POU6F2: variants seen among roughly 807,000 people sequenced by gnomAD.
POU6F2 encodes POU class 6 homeobox 2.
A neutral mutation model predicts 71.3 loss-of-function variants in POU6F2; 31 were observed. That is an observed-to-expected ratio of 0.43 (90% CI 0.33 to 0.59). The LOEUF (loss-of-function observed/expected upper bound fraction) is 0.59. POU6F2 is among the 20% of genes least tolerant of loss of function. The pLI, the probability that POU6F2 is intolerant of heterozygous loss-of-function variation, is 0.04. For missense variants in POU6F2, 783 were observed against 856.8 expected (o/e 0.91, Z 1.07); for synonymous variants, 347 against 355.7 (o/e 0.98, Z 0.27).
At chr7:39,367,898 T>G (rs1786535430) in intron 5 of POU6F2, among the ~76,000 whole-genome samples, 1 of 152,210 alleles carries the variant, frequency 6.6e-6, no homozygotes, top group South Asian at 2.1e-4. Flanking sequence ...GTAATTGTTT[T>G]GGGGTGCTAC....
At chr7:39,251,892 A>G (rs1293719914) in intron 4 of POU6F2, among the ~76,000 whole-genome samples, 1 of 151,862 alleles carries the variant, frequency 6.6e-6, no homozygotes, top group African/African-American at 2.4e-5. Flanking sequence ...TACAATCCCT[A>G]CCCTGAAGTT....
chr7:39,386,900 C>T (rs925335139), intron 5 of POU6F2, among the ~76,000 whole-genome samples: 2 of 152,214 alleles, frequency 1.3e-5, no homozygotes, highest in African/African-American at 4.8e-5. Context: ...TAGTCAATGT[C>T]GTGCTCCCCT....
rs143592577 is a variant in POU6F2, at chr7:39,193,791, G to A, written c.278-10444G>A. Among the ~76,000 whole-genome samples the A allele has an allele frequency of 1.2e-4, 19 of 152,298 alleles. 1 individual carries two copies. The East Asian group carries it at 1.9e-3, about 15-fold the overall frequency. ...GATCCTGCCATCAGTGAGAAAGCCC[G>A]GATACACTCATCTCTCTGCTGCTTC... is the stretch of plus-strand genomic sequence containing the variant. On this transcript the variant is annotated intron_variant, in intron 2 of 9. Transcript: ENST00000518318.
intron 5 of POU6F2, among the ~76,000 whole-genome samples, chr7:39,359,649 G>A (rs1786333784): frequency 6.6e-6 from 1 of 152,084 alleles, no homozygotes; most frequent in Admixed American, 6.6e-5. Flanking sequence ...TTAGATTCCA[G>A]ATGCTTTCTG....
chr7:39,006,307 T>C (rs938482065), intron 1 of POU6F2, among the ~76,000 whole-genome samples: 2 of 151,912 alleles, frequency 1.3e-5, no homozygotes, highest in Non-Finnish European at 2.9e-5. Flanking sequence ...CTACTAAAAA[T>C]ACAAAAATTA....
intron 1 of POU6F2, among the ~76,000 whole-genome samples, chr7:38,986,700 A>G (rs1295044755): frequency 1.3e-5 from 2 of 152,162 alleles, no homozygotes; most frequent in Non-Finnish European, 2.9e-5. Flanking sequence ...GCATATGGCA[A>G]ACCATTGCAA....
intron 6 of POU6F2, among the ~76,000 whole-genome samples, chr7:39,432,089 A>G (rs746833127): frequency 2.6e-5 from 4 of 152,194 alleles, no homozygotes; most frequent in African/African-American, 7.2e-5. Flanking sequence ...GTCCCTAACA[A>G]TATGGTCTCT....
intron 2 of POU6F2, among the ~76,000 whole-genome samples, chr7:39,194,782 C>G (rs1187411953): frequency 6.6e-6 from 1 of 152,206 alleles, no homozygotes; most frequent in Non-Finnish European, 1.5e-5. Context: ...TAACACTCAC[C>G]GCGAAGGTCT....
At chr7:39,031,645 G>A (rs1327519031) in intron 1 of POU6F2, among the ~76,000 whole-genome samples, 2 of 152,056 alleles carry the variant, frequency 1.3e-5, no homozygotes, top group East Asian at 3.9e-4. Context: ...CACTTTGGGA[G>A]GCCAAAGTGG....
In POU6F2 at chr7:39,086,166, G is replaced by T. The variant is rs572547093; in HGVS notation, c.277+135G>T. ...TACTAAAAAGGAGCATCTTGGAGGT[G>T]CTAAGCCACTGAAGCTGATTCCAGC... On this transcript the variant is annotated intron_variant, in intron 2 of 9. Transcript: ENST00000518318. 3.0e-4 allele frequency: 278 copies of T among 938,966 alleles called. No individual in the cohort carries two copies. In the African/African-American group the frequency reaches 4.4e-3, roughly 15 times the overall value. The allele number at this position is 938,966 out of a possible 1,614,324, so 58.2% of individuals were successfully genotyped here. A position where few individuals can be genotyped will look rare whatever the true frequency, so the allele number is the denominator to read the frequency against.
At chr7:39,426,053 C>A (rs2237394) in intron 6 of POU6F2, among the ~76,000 whole-genome samples, 2 of 152,200 alleles carry the variant, frequency 1.3e-5, no homozygotes, top group South Asian at 2.1e-4. Context: ...GCAGCCCCAA[C>A]TGGGGCTCCT....
At chr7:39,139,402 C>T (rs563976366) in intron 2 of POU6F2, among the ~76,000 whole-genome samples, 4 of 152,296 alleles carry the variant, frequency 2.6e-5, no homozygotes, top group African/African-American at 7.2e-5. Flanking sequence ...ATTTCTTCTG[C>T]TCTGCCTGCC....
At chr7:39,154,361 T>A (rs1037778807) in intron 2 of POU6F2, among the ~76,000 whole-genome samples, 1 of 152,094 alleles carries the variant, frequency 6.6e-6, no homozygotes, top group South Asian at 2.1e-4. Context: ...AGCGTGATAA[T>A]GCCTGTATAA....
At chr7:39,462,313 C>T (rs1434854296) in intron 9 of POU6F2, among the ~76,000 whole-genome samples, 2 of 152,088 alleles carry the variant, frequency 1.3e-5, no homozygotes, top group African/African-American at 2.4e-5. Context: ...TCAGTGAGAT[C>T]GTTTTAGGAG....
intron 2 of POU6F2, among the ~76,000 whole-genome samples, chr7:39,153,563 G>A (rs1792802711): frequency 6.6e-6 from 1 of 152,140 alleles, no homozygotes; most frequent in Non-Finnish European, 1.5e-5. Context: ...GGGTAAATCA[G>A]TGAAATGAAA....
intron 1 of POU6F2, among the ~76,000 whole-genome samples, chr7:38,979,421 T>C (rs1788259566): frequency 6.6e-6 from 1 of 152,156 alleles, no homozygotes. Context: ...GTCAAATACA[T>C]AATACCATGT....
chr7:39,125,091 TC>T (rs956005435), intron 2 of POU6F2, among the ~76,000 whole-genome samples: 21 of 152,140 alleles, frequency 1.4e-4, no homozygotes, highest in African/African-American at 4.8e-4. Context: ...ATCCTTTTTT[TC>T]TTTTCCTTTT....
rs531714302 is a variant in POU6F2, at chr7:39,347,563, G to A, written c.972+7548G>A. Among the ~76,000 whole-genome samples the A allele has an allele frequency of 3.3e-5, 5 of 152,174 alleles. 1 individual carries two copies. In the South Asian group the frequency reaches 1.0e-3, roughly 32 times the overall value. Reference sequence around the variant, plus strand: ...CATGCACTCACATAATGCTAATATTGCCTAATCATATAATCTTAAAGACTT... The same window carrying A: ...CATGCACTCACATAATGCTAATATTACCTAATCATATAATCTTAAAGACTT... On this transcript the variant is annotated intron_variant, in intron 5 of 9. Transcript: ENST00000518318.
chr7:39,381,468 C>T (rs984247163), intron 5 of POU6F2, among the ~76,000 whole-genome samples: 1 of 152,084 alleles, frequency 6.6e-6, no homozygotes, highest in Non-Finnish European at 1.5e-5. Flanking sequence ...TGTCAAACAC[C>T]TGACCTCAAA....
Sources: allele counts gnomAD v4.1 joint callset (sites outside exome capture counted in the v4.1 genomes callset), GRCh38; gene constraint gnomAD v4.1.1; transcripts MANE v1.5; gene names NCBI Gene and HGNC (gene_info 2026-07-23, HGNC 2026-07-21).